Variants in RBFOX1 observed in about 807,000 individuals in gnomAD.
The protein encoded by RBFOX1 is RNA binding protein fox-1 homolog 1.
RBFOX1 carries 8 observed loss-of-function variants against 57.7 expected under a neutral mutation model. The observed-to-expected ratio is 0.14, with a 90% CI of 0.08 to 0.25. The LOEUF (loss-of-function observed/expected upper bound fraction) is 0.25, where lower values mean the gene tolerates loss of function less well. Ranked by LOEUF, RBFOX1 falls within the 10% of genes least tolerant of loss-of-function variation. The pLI is 1.00. For missense variants in RBFOX1, 611 were observed against 548.5 expected, an observed-to-expected ratio of 1.11 and a Z score of -1.14; for synonymous variants, 326 against 222.4, an observed-to-expected ratio of 1.47 and a Z score of -4.15.
At chr16:6,865,094 C>G (rs1023983471) in intron 3 of RBFOX1, among the ~76,000 whole-genome samples, 7 of 147,074 alleles carry the variant, frequency 4.8e-5, no homozygotes, top group Non-Finnish European at 1.0e-4. Context: ...CCTCCGCCTC[C>G]TGGGTTCAAG....
At chr16:7,569,661 G>T (rs1325441570) in intron 5 of RBFOX1, among the ~76,000 whole-genome samples, 1 of 152,156 alleles carries the variant, frequency 6.6e-6, no homozygotes, top group Non-Finnish European at 1.5e-5. Context: ...TCATTATGTT[G>T]TTTTCCACAG....
At chr16:7,478,549 G>T (rs1264192461) in intron 4 of RBFOX1, among the ~76,000 whole-genome samples, 1 of 152,134 alleles carries the variant, frequency 6.6e-6, no homozygotes, top group Non-Finnish European at 1.5e-5. Context: ...CTAACCCTGA[G>T]GTCCTTGATG....
At chr16:7,168,414 A>G (rs532331490) in intron 4 of RBFOX1, among the ~76,000 whole-genome samples, 4 of 151,870 alleles carry the variant, frequency 2.6e-5, no homozygotes, top group South Asian at 4.2e-4. Context: ...CAACAGCCAC[A>G]TTGTCCACCA....
At chr16:6,900,213 T>A (rs1567787541) in intron 3 of RBFOX1, among the ~76,000 whole-genome samples, 1 of 152,212 alleles carries the variant, frequency 6.6e-6, no homozygotes, top group Non-Finnish European at 1.5e-5. Context: ...TATCTGTGAA[T>A]AATTCACTTG....
chr16:6,463,266 C>T (rs1167314339), intron 2 of RBFOX1, among the ~76,000 whole-genome samples: 1 of 152,130 alleles, frequency 6.6e-6, no homozygotes, highest in East Asian at 1.9e-4. Flanking sequence ...ACATTAATTC[C>T]ATATTCCACC....
At chr16:7,108,019 T>C (rs1245450047) in intron 4 of RBFOX1, among the ~76,000 whole-genome samples, 2 of 139,174 alleles carry the variant, frequency 1.4e-5, no homozygotes, top group Admixed American at 1.4e-4. Context: ...TGACATAAGA[T>C]TGGGGGGGAG....
chr16:6,609,815 C>T (rs557908946), intron 2 of RBFOX1, among the ~76,000 whole-genome samples: 1 of 152,142 alleles, frequency 6.6e-6, no homozygotes, highest in East Asian at 1.9e-4. Flanking sequence ...CAAGACCATC[C>T]TGGCCAACAT....
intron 4 of RBFOX1, among the ~76,000 whole-genome samples, chr16:7,256,355 C>T (rs62013962): frequency 6.6e-6 from 1 of 152,060 alleles, no homozygotes; most frequent in Admixed American, 6.6e-5. Flanking sequence ...ACCAGAAGTT[C>T]TGAGGTTTGG....
chr16:6,445,234 T>A (rs1054071960), intron 2 of RBFOX1, among the ~76,000 whole-genome samples: 28 of 152,222 alleles, frequency 1.8e-4, no homozygotes, highest in Admixed American at 3.9e-4. Context: ...TTCCTTTTTT[T>A]TATATATATA....
chr16:6,655,671 T>G (rs1160613724), intron 3 of RBFOX1, among the ~76,000 whole-genome samples: 1 of 152,196 alleles, frequency 6.6e-6, no homozygotes, highest in Non-Finnish European at 1.5e-5. Context: ...AGATCAGATT[T>G]TACCCTGTGT....
intron 3 of RBFOX1, among the ~76,000 whole-genome samples, chr16:5,657,695 T>TCTTC (rs2049490734): frequency 2.1e-5 from 3 of 141,102 alleles, no homozygotes; most frequent in Non-Finnish European, 4.5e-5. Flanking sequence ...TTTCTTTCTT[T>TCTTC]CTCCTTCTGT....
chr16:5,590,324 A>T (rs1355666764), intron 2 of RBFOX1, among the ~76,000 whole-genome samples: 1 of 152,180 alleles, frequency 6.6e-6, no homozygotes, highest in Non-Finnish European at 1.5e-5. Flanking sequence ...ACATCTGGGA[A>T]TAGGGAGGTA....
chr16:6,599,035 T>C (rs544992900), intron 2 of RBFOX1, among the ~76,000 whole-genome samples: 26 of 152,312 alleles, frequency 1.7e-4, no homozygotes, highest in Admixed American at 1.4e-3. Flanking sequence ...TCTCATAATG[T>C]GAATAATGGT....
At chr16:6,978,653 T>A (rs772344995) in intron 3 of RBFOX1, among the ~76,000 whole-genome samples, 2 of 152,176 alleles carry the variant, frequency 1.3e-5, no homozygotes, top group Non-Finnish European at 2.9e-5. Context: ...TCATGATGAT[T>A]TTGTTGTCCC....
At chr16:6,647,286 C>A (rs890183851) in intron 2 of RBFOX1, among the ~76,000 whole-genome samples, 1 of 152,064 alleles carries the variant, frequency 6.6e-6, no homozygotes, top group African/African-American at 2.4e-5. Context: ...GTCTGTTGCC[C>A]AGGCTCTAGT....
At chr16:5,712,668 G>T (rs1341044395) in intron 3 of RBFOX1, among the ~76,000 whole-genome samples, 1 of 152,210 alleles carries the variant, frequency 6.6e-6, no homozygotes, top group Non-Finnish European at 1.5e-5. Flanking sequence ...GTTGCCTGTG[G>T]TCACGTGGTT....
chr16:5,433,811 A>G (rs2067827530), intron 1 of RBFOX1, among the ~76,000 whole-genome samples: 1 of 152,180 alleles, frequency 6.6e-6, no homozygotes, highest in Non-Finnish European at 1.5e-5. Context: ...AGCATCTAGC[A>G]TGGTGCATAC....
At chr16:6,444,168 C>T (rs1449110727) in intron 2 of RBFOX1, among the ~76,000 whole-genome samples, 1 of 152,064 alleles carries the variant, frequency 6.6e-6, no homozygotes, top group Non-Finnish European at 1.5e-5. Context: ...AGGTGTGTTT[C>T]TTTACTTGGT....
At chr16:6,493,133 G>C (rs1437339904) in intron 2 of RBFOX1, among the ~76,000 whole-genome samples, 1 of 152,116 alleles carries the variant, frequency 6.6e-6, no homozygotes, top group Non-Finnish European at 1.5e-5. Context: ...GCTGATACAG[G>C]TCAGCTTAGA....
Sources: gnomAD v4.1 joint callset for allele counts (sites outside exome capture counted in the v4.1 genomes callset) on GRCh38, gnomAD v4.1.1 for gene constraint, MANE v1.5 for transcripts, NCBI Gene and HGNC (gene_info 2026-07-23, HGNC 2026-07-21) for gene names.